Variants in DEFB125 observed in about 807,000 individuals in gnomAD.
DEFB125 encodes the protein defensin beta 125.
DEFB125 carries 11 observed loss-of-function variants against 11.8 expected under a neutral mutation model. That is an observed-to-expected ratio of 0.94 (90% CI 0.59 to 1.55). The LOEUF is 1.55. Ranked by LOEUF, DEFB125 falls within the 40% of genes most tolerant of loss-of-function variation. DEFB125 has a pLI of 0.00. For missense variants in DEFB125, 198 were observed against 191.2 expected (o/e 1.04, Z -0.21); for synonymous variants, 79 against 66.7 (o/e 1.18, Z -0.90).
chr20:90,029 T>C (rs1020829089), intron 1 of DEFB125, among the ~76,000 whole-genome samples: 2 of 152,214 alleles, frequency 1.3e-5, no homozygotes, highest in African/African-American at 4.8e-5. Flanking sequence ...AGCCAAGCTA[T>C]CAGTGGACTG....
At position 95,945 on chromosome 20, in the gene DEFB125, T is replaced by C. The variant is rs2093384682; in HGVS notation, c.59-60T>C. 8 of 1,475,758 alleles carry C rather than the reference T, an allele frequency of 5.4e-6. No individual in the cohort carries two copies. In the South Asian group the frequency reaches 1.1e-4, roughly 21 times the overall value. 91.4% of individuals were successfully genotyped at this position (1,475,758 alleles called of 1,614,324 possible). The stretch of plus-strand genomic sequence containing the variant: ...CAGTCAGTGTAAATTTTTGAATGAA[T>C]GAAAAGTTGTTATGTTGATGCCAGA... On this transcript the variant is annotated intron_variant, in intron 1 of 1. Transcript: ENST00000382410.
intron 1 of DEFB125, among the ~76,000 whole-genome samples, chr20:90,067 G>A (rs1000523008): frequency 1.2e-4 from 18 of 152,274 alleles, no homozygotes; most frequent in African/African-American, 4.3e-4. Context: ...TTAAGTTGAT[G>A]CTAGCTGATT....
chr20:90,536 G>C (rs1298086095), intron 1 of DEFB125, among the ~76,000 whole-genome samples: 1 of 152,070 alleles, frequency 6.6e-6, no homozygotes, highest in Admixed American at 6.6e-5. Flanking sequence ...GCTCTTCCCT[G>C]CCACCATCTT....
intron 1 of DEFB125, among the ~76,000 whole-genome samples, chr20:88,773 T>C (rs2054485776): frequency 6.6e-6 from 1 of 151,976 alleles, no homozygotes; most frequent in African/African-American, 2.4e-5. Flanking sequence ...ACTCCGCTAC[T>C]GATGAAAAAT....
At chr20:92,461 C>G (rs569010765) in intron 1 of DEFB125, among the ~76,000 whole-genome samples, 158 of 150,566 alleles carry the variant, frequency 1.0e-3, no homozygotes, top group African/African-American at 3.7e-3. Context: ...GGCCCAATCT[C>G]GGCTCATTGC....
rs2054517062 is a variant in DEFB125, at chr20:96,641, G to A, written c.*224G>A. 1.6e-5 allele frequency: 8 copies of A among 505,028 alleles called. No homozygotes were observed. The highest frequency in any genetic ancestry group is 5.1e-4 in the Middle Eastern group (1 of 1,964). 31.3% of individuals were successfully genotyped at this position (505,028 alleles called of 1,614,324 possible). A position where few individuals can be genotyped will look rare whatever the true frequency, so the allele number is the denominator to read the frequency against. ...GAAGATACAAGGATTCTCTTAATTGGACTTAAATTCTTTATCTGTCTTCCT... is the reference window on the plus strand; with the variant it reads ...GAAGATACAAGGATTCTCTTAATTGAACTTAAATTCTTTATCTGTCTTCCT... On this transcript the variant is annotated 3_prime_UTR_variant, in exon 2 of 2. Coordinates refer to ENST00000382410, the MANE Select transcript of DEFB125 (RefSeq NM_153325.4).
At chr20:94,052 C>T (rs1404745119) in intron 1 of DEFB125, among the ~76,000 whole-genome samples, 1 of 151,608 alleles carries the variant, frequency 6.6e-6, no homozygotes, top group African/African-American at 2.4e-5. Flanking sequence ...ACCTTCAGGA[C>T]CTGATGCCCA....
chr20:96,571 A>C lies in DEFB125; in HGVS notation c.*154A>C, dbSNP rs551553257. On this transcript the variant is annotated 3_prime_UTR_variant, in exon 2 of 2. Coordinates refer to ENST00000382410, the MANE Select transcript of DEFB125 (RefSeq NM_153325.4). Reference sequence around the variant, plus strand: ...AATTGCTACTACCAACACAACAGCCAAGAGAGTTGCCTTACAATTAGAAAT... The same window carrying C: ...AATTGCTACTACCAACACAACAGCCCAGAGAGTTGCCTTACAATTAGAAAT... The C allele has an allele frequency of 7.1e-5, 60 of 850,660 alleles. No individual in the cohort carries two copies. The highest frequency in any genetic ancestry group is 9.5e-5 in the Non-Finnish European group (53 of 556,674). The allele number at this position is 850,660 out of a possible 1,614,324, so 52.7% of individuals were successfully genotyped here. A position where few individuals can be genotyped will look rare whatever the true frequency, so the allele number is the denominator to read the frequency against.
chr20:88,352 G>C (rs1192462106), intron 1 of DEFB125, among the ~76,000 whole-genome samples: 1 of 152,112 alleles, frequency 6.6e-6, no homozygotes, highest in East Asian at 1.9e-4. Flanking sequence ...AGATGAATAG[G>C]AACAGTCTGT....
rs181913005 is a variant in DEFB125, at chr20:88,666, T to C, written c.58+899T>C. Among the ~76,000 whole-genome samples the C allele has an allele frequency of 2.6e-5, 4 of 152,306 alleles. No homozygotes were observed. The East Asian group carries it at 7.7e-4, about 29-fold the overall frequency. The stretch of plus-strand genomic sequence containing the variant: ...ATTGTTCTGCAATGTACTAGCAATA[T>C]ATTAGAGACATCTTATCCATACATA... On this transcript the variant is annotated intron_variant, in intron 1 of 1. Transcript: ENST00000382410.
rs143613814 is a variant in DEFB125 at position 96,686 on chromosome 20, G to T, written c.*269G>T. 2.0e-4 allele frequency: 75 copies of T among 374,526 alleles called. No homozygotes were observed. The highest frequency in any genetic ancestry group is 1.2e-3 in the African/African-American group (60 of 49,068). The allele number at this position is 374,526 out of a possible 1,614,324, so 23.2% of individuals were successfully genotyped here. A position where few individuals can be genotyped will look rare whatever the true frequency, so the allele number is the denominator to read the frequency against. On this transcript the variant is annotated 3_prime_UTR_variant, in exon 2 of 2. Transcript: ENST00000382410. ...CTTCCTCCGATGTACTCAAATATAT[G>T]AGCTAATTTTTGTCTTAAGTGAACA...
intron 1 of DEFB125, among the ~76,000 whole-genome samples, chr20:88,024 T>G (rs1264726113): frequency 2.6e-5 from 4 of 152,236 alleles, no homozygotes; most frequent in Non-Finnish European, 5.9e-5. Flanking sequence ...AGCCACCCTA[T>G]CTGTCTCTCT....
chr20:95,234 T>A (rs1326208595), intron 1 of DEFB125, among the ~76,000 whole-genome samples: 1 of 152,202 alleles, frequency 6.6e-6, no homozygotes, highest in Admixed American at 6.6e-5. Context: ...TATTGGTCCT[T>A]TTAAGTCGTT....
At position 87,699 on chromosome 20, in the gene DEFB125, T is replaced by A; in HGVS notation, c.-11T>A. On this transcript the variant is annotated 5_prime_UTR_variant, in exon 1 of 2. Coordinates refer to ENST00000382410, the MANE Select transcript of DEFB125 (RefSeq NM_153325.4). The stretch of plus-strand genomic sequence containing the variant: ...TCCTCAGGACACAGAGCTTCCTCTC[T>A]CCCAGGAGCCATGAATATCCTGATG... 1 of 1,612,976 alleles carries A rather than the reference T, an allele frequency of 6.2e-7. No homozygotes were observed. The highest frequency in any genetic ancestry group is 8.5e-7 in the Non-Finnish European group (1 of 1,179,078).
At chr20:93,902 A>ATT (rs34618192) in intron 1 of DEFB125, among the ~76,000 whole-genome samples, 7 of 150,050 alleles carry the variant, frequency 4.7e-5, no homozygotes, top group Non-Finnish European at 5.9e-5. Flanking sequence ...GCTTGGTAAT[A>ATT]TTTTTTTTTT....
intron 1 of DEFB125, 111 bp from the exon 2 acceptor site, chr20:95,894 A>T: frequency 9.9e-7 from 1 of 1,014,246 alleles, no homozygotes; most frequent in East Asian, 2.4e-5. Flanking sequence ...GGCTTTTTGT[A>T]TTTGACATCA....
intron 1 of DEFB125, among the ~76,000 whole-genome samples, chr20:92,412 G>A (rs970891031): frequency 2.8e-5 from 2 of 72,514 alleles, no homozygotes; most frequent in Admixed American, 2.8e-4. Flanking sequence ...TTTTTTTTTT[G>A]AGACAGAGTC....
In DEFB125 at chr20:96,613, A is replaced by G. The variant is rs549361856; in HGVS notation, c.*196A>G. ...ATTAGAAATGTGTAGACAGAAATGT[A>G]TAGAAGATACAAGGATTCTCTTAAT... On this transcript the variant is annotated 3_prime_UTR_variant, in exon 2 of 2. Coordinates refer to ENST00000382410, the MANE Select transcript of DEFB125 (RefSeq NM_153325.4). The G allele has an allele frequency of 5.3e-5, 32 of 599,566 alleles. No homozygotes were observed. The highest frequency in any genetic ancestry group is 1.4e-4 in the East Asian group (5 of 35,810). The allele number at this position is 599,566 out of a possible 1,614,324, so 37.1% of individuals were successfully genotyped here. A position where few individuals can be genotyped will look rare whatever the true frequency, so the allele number is the denominator to read the frequency against.
At chr20:94,003 T>A (rs984769926) in intron 1 of DEFB125, among the ~76,000 whole-genome samples, 10 of 152,190 alleles carry the variant, frequency 6.6e-5, no homozygotes, top group Admixed American at 2.6e-4. Context: ...ACTGTAACTG[T>A]GCACCCTTTC....
Sources: allele counts gnomAD v4.1 joint callset (sites outside exome capture counted in the v4.1 genomes callset), GRCh38; gene constraint gnomAD v4.1.1; transcripts MANE v1.5; gene names NCBI Gene and HGNC (gene_info 2026-07-23, HGNC 2026-07-21).